AFF3: variants seen among roughly 807,000 people sequenced by gnomAD.
AFF3 encodes ALF transcription elongation factor 3.
A neutral mutation model predicts 129.7 loss-of-function variants in AFF3; 32 were observed. The observed-to-expected ratio is 0.25, with a 90% CI of 0.19 to 0.33. AFF3 has a LOEUF of 0.33. Among genes scored for constraint, AFF3 ranks in the 10% least tolerant of loss-of-function variants. AFF3 has a pLI of 1.00. For synonymous variants in AFF3, 644 were observed against 635.4 expected, an observed-to-expected ratio of 1.01 and a Z score of -0.20; for missense variants, 1,373 against 1,592.0, an observed-to-expected ratio of 0.86 and a Z score of 2.34.
chr2:99,787,145 C>T (rs1684856549), intron 8 of AFF3, among the ~76,000 whole-genome samples: 1 of 152,104 alleles, frequency 6.6e-6, no homozygotes. Context: ...AGATTTTGCT[C>T]TAAATCACAG....
intron 7 of AFF3, among the ~76,000 whole-genome samples, chr2:99,879,218 C>T (rs1186337701): frequency 1.2e-4 from 18 of 152,214 alleles, no homozygotes; most frequent in Non-Finnish European, 1.5e-5. Flanking sequence ...GACGTCCCTA[C>T]ACAGTTCATA....
chr2:99,987,348 G>A (rs995119481), intron 7 of AFF3, among the ~76,000 whole-genome samples: 1 of 152,162 alleles, frequency 6.6e-6, no homozygotes, highest in African/African-American at 2.4e-5. Context: ...CTCCACAGAT[G>A]AGTGTTCAGC....
At chr2:100,057,320 C>CAAAAA (rs57672976) in intron 4 of AFF3, among the ~76,000 whole-genome samples, 4 of 55,070 alleles carry the variant, frequency 7.3e-5, no homozygotes, top group Admixed American at 2.2e-4. Flanking sequence ...GACTCTGTCT[C>CAAAAA]AAAAAAAAAA....
At chr2:99,630,809 C>T (rs1054752220) in intron 13 of AFF3, 5 of 219,908 alleles carry the variant, frequency 2.3e-5, no homozygotes, top group African/African-American at 9.4e-5. Context: ...ATAATCCAAT[C>T]ACCTCCCACC....
At chr2:99,669,796 C>T (rs1359403799) in intron 12 of AFF3, among the ~76,000 whole-genome samples, 1 of 152,084 alleles carries the variant, frequency 6.6e-6, no homozygotes, top group African/African-American at 2.4e-5. Context: ...ATGGTGAAAC[C>T]CCGTCTCTAG....
At chr2:99,942,354 T>TG (rs1481465665) in intron 7 of AFF3, among the ~76,000 whole-genome samples, 1 of 152,008 alleles carries the variant, frequency 6.6e-6, no homozygotes, top group Admixed American at 6.6e-5. Flanking sequence ...CTAGATGGCA[T>TG]GGGGCAGAGC....
At chr2:99,617,524 A>G (rs1418542429) in intron 13 of AFF3, among the ~76,000 whole-genome samples, 2 of 152,138 alleles carry the variant, frequency 1.3e-5, no homozygotes, top group African/African-American at 4.8e-5. Context: ...AATTTTCTAT[A>G]TATTCTGGAT....
intron 4 of AFF3, among the ~76,000 whole-genome samples, chr2:100,009,558 G>A (rs776519350): frequency 6.6e-6 from 1 of 152,108 alleles, no homozygotes; most frequent in Non-Finnish European, 1.5e-5. Flanking sequence ...AGGAGGAAGG[G>A]GTGCAGGCAA....
At chr2:99,897,534 A>C (rs1262481969) in intron 7 of AFF3, among the ~76,000 whole-genome samples, 1 of 152,116 alleles carries the variant, frequency 6.6e-6, no homozygotes, top group Non-Finnish European at 1.5e-5. Context: ...CATGTTGGTC[A>C]TCTCTCCTCA....
intron 7 of AFF3, among the ~76,000 whole-genome samples, chr2:99,969,158 G>C (rs989673468): frequency 6.6e-6 from 1 of 152,168 alleles, no homozygotes; most frequent in African/African-American, 2.4e-5. Context: ...GAAGATGGAG[G>C]TGCACTGCCC....
intron 4 of AFF3, among the ~76,000 whole-genome samples, chr2:100,028,205 A>G (rs1312079671): frequency 2.0e-5 from 3 of 152,226 alleles, no homozygotes; most frequent in Non-Finnish European, 4.4e-5. Context: ...GAGGAAGTGT[A>G]AATCAGAAGA....
chr2:100,025,151 T>C (rs1683934928), intron 4 of AFF3, among the ~76,000 whole-genome samples: 1 of 152,068 alleles, frequency 6.6e-6, no homozygotes, highest in Admixed American at 6.5e-5. Flanking sequence ...CCTACCAGGC[T>C]AGGCCTATTT....
rs183593254 is a variant in AFF3 at position 99,631,291 on chromosome 2, A to G, written c.1184+18335T>C. Among the ~76,000 whole-genome samples the G allele has an allele frequency of 7.2e-5, 11 of 152,314 alleles. No homozygotes were observed. The East Asian group carries it at 1.5e-3, about 21-fold the overall frequency. ...ACCTGTCATGACACCCAATCCAGAC[A>G]ATGTCCTTTAAATTTGTCCCCATCT... On this transcript the variant is annotated intron_variant, in intron 13 of 24. Coordinates refer to ENST00000672756, the MANE Select transcript of AFF3 (RefSeq NM_001386135.1).
intron 7 of AFF3, among the ~76,000 whole-genome samples, chr2:100,002,049 G>A (rs1205192743): frequency 6.6e-6 from 1 of 152,222 alleles, no homozygotes; most frequent in Non-Finnish European, 1.5e-5. Flanking sequence ...GGTGAGCGAG[G>A]GTGATGGGAA....
chr2:99,713,595 C>T (rs1298636485), intron 11 of AFF3, among the ~76,000 whole-genome samples: 1 of 151,826 alleles, frequency 6.6e-6, no homozygotes, highest in Non-Finnish European at 1.5e-5. Context: ...GGAACCTTGA[C>T]CTAGATAACC....
chr2:99,630,967 A>G (rs1169080897), intron 13 of AFF3: 2 of 455,154 alleles, frequency 4.4e-6, no homozygotes, highest in Admixed American at 2.5e-5. Flanking sequence ...TGGTCAGTGG[A>G]GCTGAGACAG....
intron 13 of AFF3, among the ~76,000 whole-genome samples, chr2:99,625,248 C>T (rs950766776): frequency 3.3e-5 from 5 of 152,086 alleles, no homozygotes; most frequent in African/African-American, 7.2e-5. Context: ...ATCAAAATAT[C>T]GTTTGCGTAG....
chr2:100,036,405 T>G (rs1349811576), intron 4 of AFF3, among the ~76,000 whole-genome samples: 1 of 152,086 alleles, frequency 6.6e-6, no homozygotes, highest in African/African-American at 2.4e-5. Context: ...CAACTTACTT[T>G]TAGATTTCAG....
intron 4 of AFF3, among the ~76,000 whole-genome samples, chr2:100,032,670 G>A (rs948987973): frequency 1.3e-5 from 2 of 152,066 alleles, no homozygotes; most frequent in Non-Finnish European, 2.9e-5. Flanking sequence ...CCCACTAATG[G>A]TTAAACAGAT....
Sources: gnomAD v4.1 joint callset for allele counts (sites outside exome capture counted in the v4.1 genomes callset) on GRCh38, gnomAD v4.1.1 for gene constraint, MANE v1.5 for transcripts, NCBI Gene and HGNC (gene_info 2026-07-23, HGNC 2026-07-21) for gene names.